Variants in TMEM41B observed in about 807,000 individuals in gnomAD.
TMEM41B encodes protein stasimon.
TMEM41B carries 18 observed loss-of-function variants against 31.9 expected under a neutral mutation model. The observed-to-expected ratio is 0.56, with a 90% CI of 0.39 to 0.84. The LOEUF (loss-of-function observed/expected upper bound fraction) is 0.84. Ranked by LOEUF, TMEM41B falls within the 40% of genes least tolerant of loss-of-function variation. The pLI is 0.00. For missense variants in TMEM41B, 322 were observed against 348.0 expected, an observed-to-expected ratio of 0.93 and a Z score of 0.59; for synonymous variants, 144 against 124.3, an observed-to-expected ratio of 1.16 and a Z score of -1.05.
chr11:9,288,795 AAAG>A (rs1426214272), intron 3 of TMEM41B, among the ~76,000 whole-genome samples: 1 of 152,108 alleles, frequency 6.6e-6, no homozygotes, highest in Non-Finnish European at 1.5e-5. Context: ...ACAAAAGAAA[AAAG>A]AAAAGGTCTT....
chr11:9,299,736 A>G, intron 1 of TMEM41B, 35 bp from the exon 2 acceptor site: 3 of 1,400,872 alleles, frequency 2.1e-6, no homozygotes, highest in Non-Finnish European at 3.0e-6. Flanking sequence ...TAAGATAAAT[A>G]TAAAGGAAGA....
chr11:9,314,045 T>C (rs548996389), intron 1 of TMEM41B, among the ~76,000 whole-genome samples: 25 of 152,250 alleles, frequency 1.6e-4, no homozygotes, highest in African/African-American at 4.6e-4. Flanking sequence ...GTCGTTATCA[T>C]CAACCTTACA....
At position 9,314,376 on chromosome 11, in the gene TMEM41B, GT is replaced by G; in HGVS notation, c.65del (p.Asp22AlafsTer24). The G allele has an allele frequency of 1.9e-6, 3 of 1,580,354 alleles. No homozygotes were observed. The highest frequency in any genetic ancestry group is 1.4e-5 in the African/African-American group (1 of 73,778). On this transcript the variant is annotated frameshift_variant, in exon 1 of 7. Transcript: ENST00000528080. LOFTEE classifies it high-confidence loss of function. ...LGAHHTTPVG[D>X]GAAGTRGLAA... ...CGAGACCCCGCGTCCCCGCTGCCCC[GT>G]CCCCCACGGGGGTCGTGTGGTGAGC...
chr11:9,291,964 CCAAAG>C (rs1852970451), intron 3 of TMEM41B, among the ~76,000 whole-genome samples: 2 of 152,250 alleles, frequency 1.3e-5, no homozygotes, highest in South Asian at 4.1e-4. Flanking sequence ...CCTCGGCCTC[CCAAAG>C]TACTGGAATT....
intron 2 of TMEM41B, among the ~76,000 whole-genome samples, chr11:9,297,221 A>C (rs1853118106): frequency 6.6e-6 from 1 of 152,268 alleles, no homozygotes; most frequent in Middle Eastern, 3.4e-3. Context: ...AGTAGCTGGG[A>C]CTACGGGCGC....
Position 9,310,451 on chromosome 11 carries a change from T to A in TMEM41B, c.121+3870A>T, listed in dbSNP as rs185425800. On this transcript the variant is annotated intron_variant, in intron 1 of 6. Coordinates refer to ENST00000528080, the MANE Select transcript of TMEM41B (RefSeq NM_015012.4). Reference sequence around the variant, plus strand: ...TATTTTCTCTTCTATTCCATTTTTTTTAAAAAAATGCTTATTATTGATTAT... The same window carrying A: ...TATTTTCTCTTCTATTCCATTTTTTATAAAAAAATGCTTATTATTGATTAT... Among the ~76,000 whole-genome samples, 410 of 152,136 alleles carry A rather than the reference T, an allele frequency of 2.7e-3. 4 individuals are homozygous for A. Among genetic ancestry groups the A allele is most frequent in the African/African-American group, 9.3e-3 (388 of 41,498 alleles).
intron 1 of TMEM41B, chr11:9,311,584 A>C (rs1802536214): frequency 9.4e-7 from 1 of 1,060,034 alleles, no homozygotes; most frequent in African/African-American, 1.6e-5. Flanking sequence ...CCTGGGGGAA[A>C]GGGTGGGTTG....
rs79337464 is a variant in TMEM41B, at chr11:9,290,455, C to T, written c.369-1920G>A. On this transcript the variant is annotated intron_variant, in intron 3 of 6. Transcript: ENST00000528080. ...ATGTAGAAATACTCAATGTAAATGACAAGTTGATGGGTACAGCAAACCAAC... is the reference window on the plus strand; with the variant it reads ...ATGTAGAAATACTCAATGTAAATGATAAGTTGATGGGTACAGCAAACCAAC... Among the ~76,000 whole-genome samples, 1,347 of 152,014 alleles carry T rather than the reference C, an allele frequency of 8.9e-3. 15 individuals are homozygous for T. Among genetic ancestry groups the T allele is most frequent in the African/African-American group, 0.031 (1,291 of 41,462 alleles).
intron 2 of TMEM41B, among the ~76,000 whole-genome samples, chr11:9,296,603 C>CAAAAAA (rs1164835040): frequency 1.0e-4 from 12 of 118,828 alleles, no homozygotes; most frequent in South Asian, 3.0e-4. Context: ...GACTCCGTCT[C>CAAAAAA]AAAAAAAAAA....
intron 5 of TMEM41B, 34 bp from the exon 6 acceptor site, chr11:9,286,627 G>A (rs1349441027): frequency 1.1e-5 from 18 of 1,567,038 alleles, no homozygotes; most frequent in Non-Finnish European, 1.5e-5. Context: ...AGCATCAGAT[G>A]AGGACAACTT....
chr11:9,299,742 G>T lies in TMEM41B; in HGVS notation c.122-41C>A, dbSNP rs367638036. On this transcript the variant is annotated intron_variant, in intron 1 of 6. Transcript: ENST00000528080. ...AAGTATAATTAAGATAAATATAAAG[G>T]AAGACATGCTAGCAAATAATTTCTG... 64 of 1,350,370 alleles carry T rather than the reference G, an allele frequency of 4.7e-5. No individual in the cohort carries two copies. In the South Asian group the frequency reaches 7.4e-4, roughly 16 times the overall value. 83.6% of individuals were successfully genotyped at this position (1,350,370 alleles called of 1,614,324 possible).
Position 9,299,564 on chromosome 11 carries a change from T to A in TMEM41B, c.239+20A>T. 1 of 1,442,020 alleles carries A rather than the reference T, an allele frequency of 6.9e-7. No homozygotes were observed. The highest frequency in any genetic ancestry group is 9.7e-7 in the Non-Finnish European group (1 of 1,035,530). The allele number at this position is 1,442,020 out of a possible 1,614,324, so 89.3% of individuals were successfully genotyped here. A position where few individuals can be genotyped will look rare whatever the true frequency, so the allele number is the denominator to read the frequency against. On this transcript the variant is annotated intron_variant, in intron 2 of 6. Transcript: ENST00000528080. ...TTATAAATATCTATACATTTTCAGT[T>A]TATCTCTCAGTATACTTACTCACTA...
intron 6 of TMEM41B, among the ~76,000 whole-genome samples, chr11:9,285,515 A>G (rs993048210): frequency 1.3e-5 from 2 of 152,182 alleles, no homozygotes; most frequent in Non-Finnish European, 2.9e-5. Flanking sequence ...TTTGACTTCT[A>G]AACAATTCAA....
chr11:9,311,426 C>G lies in TMEM41B; in HGVS notation c.121+2895G>C, dbSNP rs1304406176. 2.9e-6 allele frequency: 4 copies of G among 1,388,326 alleles called. No individual in the cohort carries two copies. In the East Asian group the frequency reaches 9.3e-5, roughly 32 times the overall value. The allele number at this position is 1,388,326 out of a possible 1,614,324, so 86.0% of individuals were successfully genotyped here. A position where few individuals can be genotyped will look rare whatever the true frequency, so the allele number is the denominator to read the frequency against. On this transcript the variant is annotated intron_variant, in intron 1 of 6. Coordinates refer to ENST00000528080, the MANE Select transcript of TMEM41B (RefSeq NM_015012.4). Reference sequence around the variant, plus strand: ...CAGGAGCCAAGGGACTCACAGGAGGCATTCCAGGAGCAGACGGTGGGTATG... The same window carrying G: ...CAGGAGCCAAGGGACTCACAGGAGGGATTCCAGGAGCAGACGGTGGGTATG...
chr11:9,291,546 C>G (rs868741938), intron 3 of TMEM41B, among the ~76,000 whole-genome samples: 1 of 151,546 alleles, frequency 6.6e-6, no homozygotes, highest in Middle Eastern at 3.4e-3. Flanking sequence ...GGATTACAAG[C>G]GTGTGCCATC....
At chr11:9,301,541 A>C (rs1853260049) in intron 1 of TMEM41B, among the ~76,000 whole-genome samples, 1 of 152,176 alleles carries the variant, frequency 6.6e-6, no homozygotes, top group Non-Finnish European at 1.5e-5. Flanking sequence ...AATGTGTATT[A>C]GACAGCTGTC....
intron 2 of TMEM41B, among the ~76,000 whole-genome samples, chr11:9,299,282 C>CAAAAAAAAAA (rs1180036082): frequency 1.4e-4 from 6 of 41,708 alleles, no homozygotes; most frequent in Non-Finnish European, 1.9e-4. Context: ...GACTCTGTCT[C>CAAAAAAAAAA]AAAAAAAAAA....
intron 4 of TMEM41B, chr11:9,288,080 G>C: frequency 2.3e-6 from 1 of 430,590 alleles, no homozygotes; most frequent in Non-Finnish European, 4.1e-6. Flanking sequence ...AAAATTTCAG[G>C]AGCCAATTTC....
intron 1 of TMEM41B, among the ~76,000 whole-genome samples, chr11:9,307,910 G>T (rs565052945): frequency 6.6e-6 from 1 of 151,714 alleles, no homozygotes; most frequent in Non-Finnish European, 1.5e-5. Flanking sequence ...CACCTCTCCC[G>T]GCTAATTTTT....
Sources: allele counts gnomAD v4.1 joint callset (sites outside exome capture counted in the v4.1 genomes callset), GRCh38; gene constraint gnomAD v4.1.1; transcripts MANE v1.5; gene names NCBI Gene and HGNC (gene_info 2026-07-23, HGNC 2026-07-21).